MTUS2: variants seen among roughly 807,000 people sequenced by gnomAD.
The protein encoded by MTUS2 is microtubule-associated tumor suppressor candidate 2.
In MTUS2, 40 loss-of-function variants were observed where a neutral mutation model predicts 114.1. The observed-to-expected ratio is 0.35, with a 90% confidence interval of 0.27 to 0.46. The LOEUF is 0.46. MTUS2 is among the 20% of genes least tolerant of loss of function. The pLI, the probability that MTUS2 is intolerant of heterozygous loss-of-function variation, is 1.00. For synonymous variants in MTUS2, 688 were observed against 672.0 expected, an observed-to-expected ratio of 1.02 and a Z score of -0.37; for missense variants, 1,679 against 1,705.4, an observed-to-expected ratio of 0.98 and a Z score of 0.27.
At chr13:29,364,755 T>A (rs977776476) in intron 8 of MTUS2, among the ~76,000 whole-genome samples, 1 of 152,224 alleles carries the variant, frequency 6.6e-6, no homozygotes, top group Non-Finnish European at 1.5e-5. Context: ...ATTTTCCCAC[T>A]GAGTGGAGCT....
chr13:29,479,622 G>A (rs956493413), intron 9 of MTUS2, among the ~76,000 whole-genome samples: 2 of 152,186 alleles, frequency 1.3e-5, no homozygotes, highest in African/African-American at 4.8e-5. Flanking sequence ...TTAGCTAGAA[G>A]AGAATAGCCT....
At chr13:28,959,406 C>T (rs1883220489) in intron 2 of MTUS2, among the ~76,000 whole-genome samples, 1 of 152,176 alleles carries the variant, frequency 6.6e-6, no homozygotes, top group African/African-American at 2.4e-5. Context: ...CATACCCCTT[C>T]CATGGTTCAG....
intron 2 of MTUS2, among the ~76,000 whole-genome samples, chr13:28,855,609 C>A (rs1170853629): frequency 1.3e-5 from 2 of 152,136 alleles, no homozygotes; most frequent in African/African-American, 4.8e-5. Flanking sequence ...TGATCTCATT[C>A]CTTTTTATGG....
intron 2 of MTUS2, among the ~76,000 whole-genome samples, chr13:28,998,573 G>A (rs1277759666): frequency 6.6e-6 from 1 of 152,144 alleles, no homozygotes; most frequent in Non-Finnish European, 1.5e-5. Context: ...CATATTTCTT[G>A]GAGGCTTTAT....
intron 1 of MTUS2, among the ~76,000 whole-genome samples, chr13:28,832,686 TATATAA>T (rs1874778816): frequency 6.8e-6 from 1 of 147,490 alleles, no homozygotes. Context: ...ATTATATATT[TATATAA>T]ATATAAATAA....
intron 8 of MTUS2, among the ~76,000 whole-genome samples, chr13:29,422,377 A>T (rs1418901478): frequency 6.6e-6 from 1 of 152,050 alleles, no homozygotes; most frequent in East Asian, 1.9e-4. Flanking sequence ...GTTACGTGAG[A>T]TACAGTGCAC....
At chr13:29,007,073 A>C (rs1302204019) in intron 2 of MTUS2, among the ~76,000 whole-genome samples, 1 of 152,176 alleles carries the variant, frequency 6.6e-6, no homozygotes, top group Admixed American at 6.5e-5. Context: ...CAATACAGTG[A>C]TCCTCTTAGA....
At chr13:29,386,325 G>A (rs9506172) in intron 8 of MTUS2, among the ~76,000 whole-genome samples, 68,353 of 152,096 alleles carry the variant, frequency 0.45, 18,534 homozygotes, top group Admixed American at 0.59. Flanking sequence ...TGGGCACGGC[G>A]AAGGGTCAGG....
intron 6 of MTUS2, among the ~76,000 whole-genome samples, chr13:29,322,749 A>G (rs376185103): frequency 3.3e-5 from 5 of 152,130 alleles, no homozygotes; most frequent in African/African-American, 1.2e-4. Flanking sequence ...TAGAGGAAGA[A>G]TATTCTGTGC....
chr13:29,133,181 C>T (rs1326690769), intron 5 of MTUS2, among the ~76,000 whole-genome samples: 2 of 152,106 alleles, frequency 1.3e-5, no homozygotes, highest in Non-Finnish European at 2.9e-5. Flanking sequence ...CCGTCTCCTC[C>T]AGTCCTTTGC....
chr13:29,100,082 G>A (rs1055442883), intron 4 of MTUS2, among the ~76,000 whole-genome samples: 4 of 152,184 alleles, frequency 2.6e-5, no homozygotes, highest in Admixed American at 1.3e-4. Context: ...TCAAGTTCTT[G>A]TGGTATAAGC....
chr13:28,990,860 G>C (rs1025685052), intron 2 of MTUS2, among the ~76,000 whole-genome samples: 1 of 150,018 alleles, frequency 6.7e-6, no homozygotes, highest in Non-Finnish European at 1.5e-5. Context: ...CACTCACTGC[G>C]AGGGTCTGCG....
At chr13:29,089,544 T>C (rs1424025168) in intron 4 of MTUS2, among the ~76,000 whole-genome samples, 1 of 152,248 alleles carries the variant, frequency 6.6e-6, no homozygotes, top group Non-Finnish European at 1.5e-5. Context: ...TCCTCAAATA[T>C]GTTTTCCAAG....
At chr13:29,042,345 G>A (rs2138562257) in intron 4 of MTUS2, among the ~76,000 whole-genome samples, 1 of 152,066 alleles carries the variant, frequency 6.6e-6, no homozygotes. Context: ...TACCTTTTTT[G>A]TATGCTGTTT....
At chr13:29,458,275 A>G in intron 9 of MTUS2, among the ~76,000 whole-genome samples, 1 of 152,230 alleles carries the variant, frequency 6.6e-6, no homozygotes, top group African/African-American at 2.4e-5. Flanking sequence ...CTGACTCAGA[A>G]TGGCCTAAGT....
intron 8 of MTUS2, among the ~76,000 whole-genome samples, chr13:29,387,527 C>A (rs3121749): frequency 0.59 from 89,742 of 151,990 alleles, 28,303 homozygotes; most frequent in South Asian, 0.72. Context: ...TCATGAGCCC[C>A]TGAAGATCAC....
At chr13:28,977,048 A>G (rs1226254073) in intron 2 of MTUS2, among the ~76,000 whole-genome samples, 3 of 152,066 alleles carry the variant, frequency 2.0e-5, no homozygotes, top group Admixed American at 6.6e-5. Flanking sequence ...CTTTTTATCA[A>G]ATCTCTGCTT....
intron 5 of MTUS2, among the ~76,000 whole-genome samples, chr13:29,216,196 T>C (rs966895819): frequency 1.3e-5 from 2 of 152,236 alleles, no homozygotes; most frequent in Non-Finnish European, 2.9e-5. Context: ...AACTGCCTAC[T>C]CAGGTTTCAG....
intron 8 of MTUS2, among the ~76,000 whole-genome samples, chr13:29,396,312 C>A (rs1326350732): frequency 6.6e-6 from 1 of 152,030 alleles, no homozygotes; most frequent in Non-Finnish European, 1.5e-5. Context: ...TTTCAGTTTT[C>A]TGGCATTTAA....
Sources: gnomAD v4.1 joint callset for allele counts (sites outside exome capture counted in the v4.1 genomes callset) on GRCh38, gnomAD v4.1.1 for gene constraint, MANE v1.5 for transcripts, NCBI Gene and HGNC (gene_info 2026-07-23, HGNC 2026-07-21) for gene names.